SNX1: variants seen among roughly 807,000 people sequenced by gnomAD.
The protein encoded by SNX1 is sorting nexin-1.
Under a neutral mutation model 71.8 loss-of-function variants are expected in SNX1, and 36 were observed. The ratio of observed to expected loss-of-function variants is 0.50; its 90% confidence interval spans 0.38 to 0.66. SNX1 has a LOEUF of 0.66. Among genes scored for constraint, SNX1 ranks in the 30% least tolerant of loss-of-function variants. The pLI is 0.00. For synonymous variants in SNX1, 254 were observed against 240.7 expected (o/e 1.06, Z -0.51); for missense variants, 612 against 646.7 (o/e 0.95, Z 0.58).
In SNX1 at chr15:64,141,734, C is replaced by G. The variant is rs1331271082; in HGVS notation, c.*4116C>G. The G allele has an allele frequency of 6.6e-6, 1 of 152,288 alleles. No homozygotes were observed. The highest frequency in any genetic ancestry group is 1.5e-5 in the Non-Finnish European group (1 of 68,136). The allele number at this position is 152,288 out of a possible 1,614,324, so 9.4% of individuals were successfully genotyped here. On this transcript the variant is annotated 3_prime_UTR_variant, in exon 15 of 15. Coordinates refer to ENST00000559844, the MANE Select transcript of SNX1 (RefSeq NM_003099.5). This position sits in a 1 kb window ranked among gnomAD's most constrained non-coding sequence, Gnocchi z 5.1. ...GCTTTCCACATTACCATTGTCGCTT[C>G]GTGATCTGGACACACCAGAAGGCGT...
chr15:64,133,298 AC>A (rs1192518990), intron 11 of SNX1, among the ~76,000 whole-genome samples: 1 of 152,224 alleles, frequency 6.6e-6, no homozygotes, highest in Non-Finnish European at 1.5e-5. Context: ...GTTGCCCTTT[AC>A]CTAATCTTTT....
At chr15:64,099,380 G>A (rs1025686108) in intron 1 of SNX1, among the ~76,000 whole-genome samples, 1 of 152,178 alleles carries the variant, frequency 6.6e-6, no homozygotes, top group Non-Finnish European at 1.5e-5. Flanking sequence ...GGCATGAGCT[G>A]TATTTGTTGG....
chr15:64,128,153 C>G (rs2081272463), intron 8 of SNX1, among the ~76,000 whole-genome samples: 1 of 152,140 alleles, frequency 6.6e-6, no homozygotes, highest in African/African-American at 2.4e-5. Flanking sequence ...ACAGTTACCA[C>G]AAACCACAGA....
At chr15:64,130,172 ACTGT>A in intron 9 of SNX1, 52 bp from the exon 10 acceptor site, 1 of 1,519,548 alleles carries the variant, frequency 6.6e-7, no homozygotes, top group Non-Finnish European at 9.1e-7. Flanking sequence ...CTAAAGAAAG[ACTGT>A]ACTGCACCCA....
chr15:64,112,644 C>T lies in SNX1; in HGVS notation c.231C>T (p.Ile77=). ...PINNGSKENG[I]HEEQDQEPQD... is the part of the protein sequence containing the mutation. ...ACAATGGCTCCAAAGAAAATGGGAT[C>T]CATGAAGAACAAGACCAAGAGCCAC... The change falls in exon 2 of 15, where the codon ATC becomes ATT. Residue 77 remains isoleucine, a synonymous_variant. Transcript: ENST00000559844. 1 of 1,613,372 alleles carries T rather than the reference C, an allele frequency of 6.2e-7. No homozygotes were observed. The highest frequency in any genetic ancestry group is 1.3e-5 in the African/African-American group (1 of 74,914).
rs996516027 is a variant in SNX1 at position 64,137,780 on chromosome 15, T to C, written c.*162T>C. On this transcript the variant is annotated 3_prime_UTR_variant, in exon 15 of 15. Coordinates refer to ENST00000559844, the MANE Select transcript of SNX1 (RefSeq NM_003099.5). ...GTCCCCAGTTACTCTAACCGTTATT[T>C]CATTTAGCTTCCATATATATTTTCT... 4 of 1,441,566 alleles carry C rather than the reference T, an allele frequency of 2.8e-6. No homozygotes were observed. The highest frequency in any genetic ancestry group is 3.6e-6 in the Non-Finnish European group (4 of 1,096,184). The allele number at this position is 1,441,566 out of a possible 1,614,324, so 89.3% of individuals were successfully genotyped here.
At position 64,134,807 on chromosome 15, in the gene SNX1, G is replaced by T; in HGVS notation, c.1365G>T (p.Glu455Asp). The T allele has an allele frequency of 6.2e-7, 1 of 1,613,832 alleles. No homozygotes were observed. The highest frequency in any genetic ancestry group is 8.5e-7 in the Non-Finnish European group (1 of 1,179,988). The change falls in exon 12 of 15, where the codon GAG becomes GAT. Residue 455 changes from glutamate (E) to aspartate (D), a missense_variant and splice_region_variant. Glu to Asp is a conservative substitution (Grantham distance 45). Transcript: ENST00000559844. The surrounding 1 kb of genome is among the most constrained non-coding windows in gnomAD (Gnocchi z 4.1). Reference sequence around the variant, plus strand: ...AGCAGGCCAAGGACGAGATCCTCGAGGTGAGTCCACTGAGGCAGCCCAGCC... The same window carrying T: ...AGCAGGCCAAGGACGAGATCCTCGATGTGAGTCCACTGAGGCAGCCCAGCC... ...KLQQAKDEIL[E>D]WESRVTQYER... is the part of the protein sequence containing the mutation.
At chr15:64,130,448 T>G (rs1364369319) in intron 10 of SNX1, 127 bp downstream of exon 10, 16 of 731,160 alleles carry the variant, frequency 2.2e-5, no homozygotes. Context: ...ACCTGGTCCT[T>G]GATGTTCTGA....
chr15:64,118,324 G>A (rs1379700161), intron 3 of SNX1, 80 bp downstream of exon 3: 1 of 1,416,034 alleles, frequency 7.1e-7, no homozygotes, highest in Non-Finnish European at 9.6e-7. Context: ...AGTTGAGTAT[G>A]AACCTTGAGA....
At chr15:64,102,049 T>A (rs892029194) in intron 1 of SNX1, among the ~76,000 whole-genome samples, 1 of 152,066 alleles carries the variant, frequency 6.6e-6, no homozygotes, top group Non-Finnish European at 1.5e-5. Flanking sequence ...AGAAAAAAAA[T>A]TAAAGAATAA....
At chr15:64,117,416 G>T (rs557416571) in intron 2 of SNX1, among the ~76,000 whole-genome samples, 3 of 152,048 alleles carry the variant, frequency 2.0e-5, no homozygotes, top group Admixed American at 2.0e-4. Context: ...ACCACACCTG[G>T]CTACTGTTTT....
At position 64,127,257 on chromosome 15, in the gene SNX1, G is replaced by A; in HGVS notation, c.731+5G>A. On this transcript the variant is annotated splice_donor_5th_base_variant and intron_variant, in intron 7 of 14. Transcript: ENST00000559844. Reference sequence around the variant, plus strand: ...ACGGAGGGCCGCTTTAGAAAGGTAAGTGCCATGCAGCCATTTTCCTGAATA... The same window carrying A: ...ACGGAGGGCCGCTTTAGAAAGGTAAATGCCATGCAGCCATTTTCCTGAATA... 3.1e-6 allele frequency: 5 copies of A among 1,607,566 alleles called. No homozygotes were observed. The highest frequency in any genetic ancestry group is 1.3e-5 in the African/African-American group (1 of 74,692).
intron 1 of SNX1, among the ~76,000 whole-genome samples, chr15:64,108,180 G>A (rs1224992809): frequency 6.7e-6 from 1 of 150,330 alleles, no homozygotes; most frequent in Non-Finnish European, 1.5e-5. Flanking sequence ...GCGACAGAGT[G>A]AGACTCTGTC....
intron 1 of SNX1, among the ~76,000 whole-genome samples, chr15:64,104,620 C>T (rs1051906123): frequency 5.9e-5 from 9 of 151,492 alleles, no homozygotes; most frequent in Non-Finnish European, 1.3e-4. Flanking sequence ...CACTGTGGCT[C>T]ATGTCTGTGA....
chr15:64,132,450 ACT>A (rs1410024653), intron 11 of SNX1: 2 of 156,782 alleles, frequency 1.3e-5, no homozygotes, highest in Non-Finnish European at 2.8e-5. Context: ...GTCACCCCAC[ACT>A]GGTAACATTC....
Position 64,118,251 on chromosome 15 carries a change from A to G in SNX1, c.399+7A>G, listed in dbSNP as rs747263495. The G allele has an allele frequency of 2.5e-6, 4 of 1,610,676 alleles. No homozygotes were observed. In the East Asian group the frequency reaches 8.9e-5, roughly 36 times the overall value. ...CCAGCCAACCTATGAGGAGGTGAGG[A>G]TCTGTGCTCTTGGTCTTATCGCTTT... On this transcript the variant is annotated splice_region_variant and intron_variant, in intron 3 of 14. Coordinates refer to ENST00000559844, the MANE Select transcript of SNX1 (RefSeq NM_003099.5).
intron 1 of SNX1, among the ~76,000 whole-genome samples, chr15:64,108,494 C>T (rs1595981053): frequency 6.6e-6 from 1 of 152,138 alleles, no homozygotes; most frequent in Admixed American, 6.5e-5. Context: ...TTAACTGCAC[C>T]ATGTGAATAT....
chr15:64,133,612 C>T (rs1162138402), intron 11 of SNX1, among the ~76,000 whole-genome samples: 1 of 152,194 alleles, frequency 6.6e-6, no homozygotes, highest in Non-Finnish European at 1.5e-5. Flanking sequence ...TGCCTATAAT[C>T]CCAGCTACTC....
intron 1 of SNX1, among the ~76,000 whole-genome samples, chr15:64,105,033 G>A (rs1280757915): frequency 5.9e-5 from 9 of 151,406 alleles, no homozygotes; most frequent in East Asian, 3.9e-4. Context: ...TCAGGAGTTC[G>A]AGACCAGCCT....
Sources: allele counts gnomAD v4.1 joint callset (sites outside exome capture counted in the v4.1 genomes callset), GRCh38; gene constraint gnomAD v4.1.1; non-coding constraint Gnocchi (gnomAD v3.1); transcripts MANE v1.5; gene names NCBI Gene and HGNC (gene_info 2026-07-23, HGNC 2026-07-21).